Variants in HSPA12A observed in about 807,000 individuals in gnomAD.
HSPA12A encodes heat shock protein family A (Hsp70) member 12A, also known as heat shock 70 kDa protein 12A.
Under a neutral mutation model 69.2 loss-of-function variants are expected in HSPA12A, and 28 were observed. The ratio of observed to expected loss-of-function variants is 0.40; its 90% confidence interval spans 0.30 to 0.55. HSPA12A has a LOEUF of 0.55. Ranked by LOEUF, HSPA12A falls within the 20% of genes least tolerant of loss-of-function variation. The pLI, the probability that HSPA12A is intolerant of heterozygous loss-of-function variation, is 0.38. For synonymous variants in HSPA12A, 345 were observed against 370.5 expected (o/e 0.93, Z 0.79); for missense variants, 686 against 900.7 (o/e 0.76, Z 3.05).
chr10:116,757,698 T>G (rs1337257346), intron 2 of HSPA12A, among the ~76,000 whole-genome samples: 1 of 152,162 alleles, frequency 6.6e-6, no homozygotes, highest in Non-Finnish European at 1.5e-5. Flanking sequence ...CTTGGTTTGG[T>G]CACCTGTAAA....
chr10:116,683,775 G>A lies in HSPA12A; in HGVS notation c.835+16C>T, dbSNP rs1554879044. ...AAGGAAGGAGAGCAGGAGGGGGAGAGAGAGAGCAGAGGTACCCTGTGTAAA... is the reference window on the plus strand; with the variant it reads ...AAGGAAGGAGAGCAGGAGGGGGAGAAAGAGAGCAGAGGTACCCTGTGTAAA... On this transcript the variant is annotated intron_variant, in intron 7 of 11. Transcript: ENST00000369209. 1 of 1,512,104 alleles carries A rather than the reference G, an allele frequency of 6.6e-7. No homozygotes were observed. Among genetic ancestry groups the A allele is most frequent in the Admixed American group, 1.8e-5 (1 of 56,158 alleles). The allele number at this position is 1,512,104 out of a possible 1,614,324, so 93.7% of individuals were successfully genotyped here.
intron 7 of HSPA12A, 63 bp from the exon 8 acceptor site, chr10:116,681,940 G>T: frequency 2.0e-6 from 3 of 1,494,682 alleles, no homozygotes; most frequent in Non-Finnish European, 2.8e-6. Flanking sequence ...GAGATCATTT[G>T]CAGTCAGTGA....
intron 2 of HSPA12A, among the ~76,000 whole-genome samples, chr10:116,770,204 G>A (rs1283129898): frequency 6.6e-6 from 1 of 152,204 alleles, no homozygotes; most frequent in South Asian, 2.1e-4. Context: ...TGGTCACACA[G>A]ACACCAAAAA....
chr10:116,692,234 G>T, intron 6 of HSPA12A, 117 bp downstream of exon 6: 1 of 737,062 alleles, frequency 1.4e-6, no homozygotes, highest in Non-Finnish European at 2.3e-6. Context: ...GAGCCTCCTT[G>T]CTGCCTCCCA....
chr10:116,848,768 C>T (rs902689295), intron 1 of HSPA12A, among the ~76,000 whole-genome samples: 4 of 152,180 alleles, frequency 2.6e-5, no homozygotes, highest in Admixed American at 6.5e-5. Context: ...TTCCGTTTTA[C>T]CTCCCCAAGT....
intron 6 of HSPA12A, among the ~76,000 whole-genome samples, chr10:116,685,806 G>A (rs561765387): frequency 5.3e-5 from 8 of 152,262 alleles, no homozygotes; most frequent in African/African-American, 1.9e-4. Flanking sequence ...CAGCAGGCAG[G>A]TGACTGAACA....
At position 116,681,201 on chromosome 10, in the gene HSPA12A, A is replaced by G; in HGVS notation, c.978T>C (p.His326=). ...SGGGTVDLTV[H]QIRLPEGHLK... ...GGTGTCCCTCCGGTAACCGGATCTGATGGACTGTCAGGTCTACGGTGCCAC... is the reference window on the plus strand; with the variant it reads ...GGTGTCCCTCCGGTAACCGGATCTGGTGGACTGTCAGGTCTACGGTGCCAC... The change falls in exon 9 of 12, where the codon CAT becomes CAC. Residue 326 remains histidine, a synonymous_variant. Transcript: ENST00000369209. 1.2e-6 allele frequency: 2 copies of G among 1,614,140 alleles called. No individual in the cohort carries two copies. The highest frequency in any genetic ancestry group is 2.7e-5 in the African/African-American group (2 of 75,030).
At chr10:116,767,366 C>A (rs1228151571) in intron 2 of HSPA12A, among the ~76,000 whole-genome samples, 4 of 152,186 alleles carry the variant, frequency 2.6e-5, no homozygotes, top group African/African-American at 9.6e-5. Context: ...CCCTCCCCCA[C>A]CAGTGACGGT....
intron 2 of HSPA12A, chr10:116,829,230 C>A (rs903701585): frequency 6.5e-6 from 1 of 152,686 alleles, no homozygotes; most frequent in African/African-American, 2.4e-5. Flanking sequence ...TTTCCCTGCA[C>A]AAGCTCTCTT....
rs1360086347 is a variant in HSPA12A, at chr10:116,683,826, C to T, written c.800G>A (p.Ser267Asn). The stretch of plus-strand genomic sequence containing the variant: ...CCCAGCTCCTACTGTGTCACTGCCG[C>T]TGTACCCATTGACGGCTGCCTTGCT... The part of the protein sequence containing the change: ...LSSKAAVNGY[S>N]GSDTVGAGFT... Residue 267 changes from serine (S) to asparagine (N), a missense_variant, in exon 7 of 12, where the codon AGC becomes AAC. Transcript: ENST00000369209. 6.3e-7 allele frequency: 1 copy of T among 1,592,052 alleles called. No homozygotes were observed. Among genetic ancestry groups the T allele is most frequent in the Non-Finnish European group, 8.6e-7 (1 of 1,162,636 alleles).
chr10:116,719,285 G>A (rs370031173), intron 1 of HSPA12A, among the ~76,000 whole-genome samples: 1 of 152,186 alleles, frequency 6.6e-6, no homozygotes, highest in Non-Finnish European at 1.5e-5. Context: ...AGAGGAAGTC[G>A]GCCTGGGGCT....
chr10:116,759,278 C>A (rs190891988), intron 2 of HSPA12A, among the ~76,000 whole-genome samples: 22 of 152,352 alleles, frequency 1.4e-4, no homozygotes, highest in Admixed American at 1.3e-3. Flanking sequence ...TGGCTCTGCC[C>A]AGTTTCACTG....
At chr10:116,821,946 G>C (rs1396552499) in intron 2 of HSPA12A, among the ~76,000 whole-genome samples, 1 of 152,222 alleles carries the variant, frequency 6.6e-6, no homozygotes, top group African/African-American at 2.4e-5. Context: ...GATAATCCAG[G>C]CCTAAGAGGA....
chr10:116,729,783 G>C (rs553273910), intron 1 of HSPA12A, among the ~76,000 whole-genome samples: 2 of 152,278 alleles, frequency 1.3e-5, no homozygotes, highest in Non-Finnish European at 1.5e-5. Context: ...CAAAACTCAT[G>C]GAACTGTACA....
intron 3 of HSPA12A, 121 bp from the exon 4 acceptor site, chr10:116,701,250 G>T: frequency 6.9e-6 from 6 of 868,806 alleles, no homozygotes; most frequent in Non-Finnish European, 1.1e-5. Flanking sequence ...GAGGCACTCT[G>T]CTTCAGCTGG....
Position 116,675,380 on chromosome 10 carries a change from A to G in HSPA12A, c.1429T>C (p.Phe477Leu). ...GCAAAGCCGCCCACCAGAAAGAGGAACTTGACGGTGGACACCTCGGGCTTC... is the reference window on the plus strand; with the variant it reads ...GCAAAGCCGCCCACCAGAAAGAGGAGCTTGACGGTGGACACCTCGGGCTTC... Reference protein sequence around the residue: ...FQKPEVSTVKFLFLVGGFAEA... With the variant: ...FQKPEVSTVKLLFLVGGFAEA... Residue 477 changes from phenylalanine (F) to leucine (L), a missense_variant, in exon 12 of 12, where the codon TTC (phenylalanine) becomes CTC (leucine). Physicochemically the swap from Phe to Leu is conservative, Grantham distance 22. Transcript: ENST00000369209. This position sits in a 1 kb window ranked among gnomAD's most constrained non-coding sequence, Gnocchi z 5.2. The G allele has an allele frequency of 6.2e-7, 1 of 1,608,482 alleles. No individual in the cohort carries two copies. Among genetic ancestry groups the G allele is most frequent in the Non-Finnish European group, 8.5e-7 (1 of 1,177,912 alleles).
intron 2 of HSPA12A, among the ~76,000 whole-genome samples, chr10:116,774,001 T>C (rs1203923467): frequency 6.6e-6 from 1 of 151,662 alleles, no homozygotes; most frequent in Non-Finnish European, 1.5e-5. Flanking sequence ...GGGAACCTGC[T>C]CTGTGGCAAG....
intron 2 of HSPA12A, among the ~76,000 whole-genome samples, chr10:116,778,460 G>A (rs1844389948): frequency 6.6e-6 from 1 of 152,184 alleles, no homozygotes; most frequent in African/African-American, 2.4e-5. Context: ...GCACACCTCA[G>A]GGCTGTGGTC....
chr10:116,681,969 AT>A, intron 7 of HSPA12A, 92 bp from the exon 8 acceptor site: 2 of 1,133,276 alleles, frequency 1.8e-6, no homozygotes, highest in Non-Finnish European at 2.6e-6. Flanking sequence ...GCATGAGGAG[AT>A]TTAGGGATGG....
Sources: allele counts gnomAD v4.1 joint callset (sites outside exome capture counted in the v4.1 genomes callset), GRCh38; gene constraint gnomAD v4.1.1; non-coding constraint Gnocchi (gnomAD v3.1); transcripts MANE v1.5; gene names NCBI Gene and HGNC (gene_info 2026-07-23, HGNC 2026-07-21).